ZDHHC3: variants seen among roughly 807,000 people sequenced by gnomAD.
The protein encoded by ZDHHC3 is zDHHC palmitoyltransferase 3, also known as palmitoyltransferase ZDHHC3.
A neutral mutation model predicts 30.6 loss-of-function variants in ZDHHC3; 9 were observed. The ratio of observed to expected loss-of-function variants is 0.29; its 90% CI spans 0.18 to 0.51. The LOEUF (loss-of-function observed/expected upper bound fraction) is 0.51. Among genes scored for constraint, ZDHHC3 ranks in the 20% least tolerant of loss-of-function variants. The probability of loss-of-function intolerance (pLI) is 0.97; values close to 1 mark genes in which losing one functional copy is unlikely to be tolerated. For synonymous variants in ZDHHC3, 136 were observed against 140.2 expected, an observed-to-expected ratio of 0.97 and a Z score of 0.21; for missense variants, 246 against 384.2, an observed-to-expected ratio of 0.64 and a Z score of 3.01.
chr3:44,950,856 C>T (rs1368626537), intron 2 of ZDHHC3, among the ~76,000 whole-genome samples: 1 of 152,198 alleles, frequency 6.6e-6, no homozygotes, highest in South Asian at 2.1e-4. Flanking sequence ...ATTTTTGTCA[C>T]TGCTGTCATG....
intron 1 of ZDHHC3, among the ~76,000 whole-genome samples, chr3:44,963,807 C>T (rs578225843): frequency 6.6e-6 from 1 of 152,204 alleles, no homozygotes; most frequent in Non-Finnish European, 1.5e-5. Context: ...CTAGTTCCCC[C>T]TCCCTGTCTC....
At position 44,923,146 on chromosome 3, in the gene ZDHHC3, G is replaced by T; in HGVS notation, c.*3543C>A. ...GCTGGAGTGCAGTGGTGCGATCTTG[G>T]CTCACTGCAAGCTCCACTTCCCGGG... On this transcript the variant is annotated 3_prime_UTR_variant, in exon 7 of 7. Transcript: ENST00000424952. The T allele has an allele frequency of 1.1e-6, 1 of 937,382 alleles. No individual in the cohort carries two copies. The highest frequency in any genetic ancestry group is 1.3e-6 in the Non-Finnish European group (1 of 786,872). The allele number at this position is 937,382 out of a possible 1,614,324, so 58.1% of individuals were successfully genotyped here.
At chr3:44,927,278 T>C (rs1486684826) in intron 6 of ZDHHC3, among the ~76,000 whole-genome samples, 1 of 152,192 alleles carries the variant, frequency 6.6e-6, no homozygotes, top group Non-Finnish European at 1.5e-5. Context: ...GCAATCATCA[T>C]AACCAATGAT....
chr3:44,943,774 G>A (rs1702653055), intron 3 of ZDHHC3, among the ~76,000 whole-genome samples: 1 of 152,180 alleles, frequency 6.6e-6, no homozygotes, highest in Non-Finnish European at 1.5e-5. Flanking sequence ...GGGAGGCTGA[G>A]GTGGGAGGAT....
Position 44,933,166 on chromosome 3 carries a change from T to C in ZDHHC3, c.562A>G (p.Ile188Val). Residue 188 changes from isoleucine (I) to valine (V), a missense_variant, in exon 5 of 7, where the codon ATC becomes GTC. Transcript: ENST00000424952. Reference sequence around the variant, plus strand: ...TGCAGGAAGTGGAATCCCACCATGATGAGGGCGTGCAAGGAAATGAGAGCT... The same window carrying C: ...TGCAGGAAGTGGAATCCCACCATGACGAGGGCGTGCAAGGAAATGAGAGCT... ...YIALISLHAL[I>V]MVGFHFLHCF... 6.2e-7 allele frequency: 1 copy of C among 1,614,156 alleles called. No homozygotes were observed.
Position 44,918,208 on chromosome 3 carries a change from AC to A in ZDHHC3, c.*8480del. The A allele has an allele frequency of 8.4e-7, 1 of 1,190,036 alleles. No homozygotes were observed. 73.7% of individuals were successfully genotyped at this position (1,190,036 alleles called of 1,614,324 possible). A position where few individuals can be genotyped will look rare whatever the true frequency, so the allele number is the denominator to read the frequency against. On this transcript the variant is annotated 3_prime_UTR_variant, in exon 7 of 7. Transcript: ENST00000424952. ...GCTGGGCTGTACAGCTCACATAGAC[AC>A]CCCCAGCTATAGCATAGCAGTGGCG...
At chr3:44,934,092 C>T (rs952923137) in intron 3 of ZDHHC3, 108 bp from the exon 4 acceptor site, 2 of 1,084,862 alleles carry the variant, frequency 1.8e-6, no homozygotes, top group African/African-American at 3.1e-5. Flanking sequence ...AAATGGCTTC[C>T]TTGGGCACTG....
chr3:44,958,193 T>C (rs1704121249), intron 2 of ZDHHC3, among the ~76,000 whole-genome samples: 2 of 152,102 alleles, frequency 1.3e-5, no homozygotes, highest in East Asian at 1.9e-4. Flanking sequence ...TGTAATTGAG[T>C]TGGGAAAGCT....
At chr3:44,968,301 T>A (rs904612787) in intron 1 of ZDHHC3, among the ~76,000 whole-genome samples, 10 of 152,028 alleles carry the variant, frequency 6.6e-5, no homozygotes, top group Non-Finnish European at 8.8e-5. Context: ...CTCTAATCTC[T>A]GACTCTTTAA....
At position 44,923,544 on chromosome 3, in the gene ZDHHC3, G is replaced by C. The variant is rs1700760931; in HGVS notation, c.*3145C>G. On this transcript the variant is annotated 3_prime_UTR_variant, in exon 7 of 7. Coordinates refer to ENST00000424952, the MANE Select transcript of ZDHHC3 (RefSeq NM_001135179.2). ...GGGCTGGGCCCAGTGGCTCACGCCT[G>C]TAATCCCAGGACTTTGGGAGGCTAA... 1.0e-6 allele frequency: 1 copy of C among 984,852 alleles called. No individual in the cohort carries two copies. The highest frequency in any genetic ancestry group is 1.1e-4 in the East Asian group (1 of 8,796). The allele number at this position is 984,852 out of a possible 1,614,324, so 61.0% of individuals were successfully genotyped here. A position where few individuals can be genotyped will look rare whatever the true frequency, so the allele number is the denominator to read the frequency against.
chr3:44,959,341 A>T lies in ZDHHC3; in HGVS notation c.96T>A (p.Pro32=), dbSNP rs1171119861. Residue 32 remains proline (P), a synonymous_variant, in exon 2 of 7, where the codon CCT becomes CCA. Transcript: ENST00000424952. The surrounding 1 kb of genome is among the most constrained non-coding windows in gnomAD (Gnocchi z 4.3). ...EKCVPPPYPG[P]VGTMWFIRDG... ...CACGGATAAACCACATGGTTCCCACAGGACCAGGGTAGGGGGGTGGGACAC... is the reference window on the plus strand; with the variant it reads ...CACGGATAAACCACATGGTTCCCACTGGACCAGGGTAGGGGGGTGGGACAC... 1 of 1,614,096 alleles carries T rather than the reference A, an allele frequency of 6.2e-7. No individual in the cohort carries two copies. The highest frequency in any genetic ancestry group is 8.5e-7 in the Non-Finnish European group (1 of 1,180,028).
At position 44,918,764 on chromosome 3, in the gene ZDHHC3, C is replaced by T. The variant is rs1700388332; in HGVS notation, c.*7925G>A. On this transcript the variant is annotated 3_prime_UTR_variant, in exon 7 of 7. Transcript: ENST00000424952. ...GGCCTGCTCATGCAGCAGATCCACC[C>T]TGCAGCCTCTTCCAAGCTGTCAACT... The T allele has an allele frequency of 2.0e-6, 2 of 986,968 alleles. No individual in the cohort carries two copies. Among genetic ancestry groups the T allele is most frequent in the South Asian group, 4.7e-5 (1 of 21,392 alleles). 61.1% of individuals were successfully genotyped at this position (986,968 alleles called of 1,614,324 possible).
At chr3:44,932,920 G>C (rs755988396) in intron 5 of ZDHHC3, 198 bp downstream of exon 5, 44 of 1,614,054 alleles carry the variant, frequency 2.7e-5, no homozygotes, top group Non-Finnish European at 3.6e-5. Flanking sequence ...TCGAACTGAA[G>C]TTAAGGGGCT....
intron 1 of ZDHHC3, among the ~76,000 whole-genome samples, chr3:44,966,946 A>G (rs1056390123): frequency 7.2e-5 from 11 of 152,222 alleles, no homozygotes; most frequent in Non-Finnish European, 1.6e-4. Context: ...AGCCAAGGAA[A>G]GTGTCCAGAC....
chr3:44,961,515 G>A (rs1449387174), intron 1 of ZDHHC3, among the ~76,000 whole-genome samples: 1 of 152,200 alleles, frequency 6.6e-6, no homozygotes, highest in Non-Finnish European at 1.5e-5. Flanking sequence ...ATGTAGTCCT[G>A]CCAGAGACAA....
chr3:44,934,104 C>T, intron 3 of ZDHHC3, 120 bp from the exon 4 acceptor site: 1 of 980,344 alleles, frequency 1.0e-6, no homozygotes, highest in Non-Finnish European at 1.6e-6. Flanking sequence ...TGGGCACTGC[C>T]AGGGGTTTTG....
chr3:44,960,836 T>C (rs556024428), intron 1 of ZDHHC3, among the ~76,000 whole-genome samples: 2 of 152,252 alleles, frequency 1.3e-5, no homozygotes, highest in Non-Finnish European at 2.9e-5. Context: ...TCGGTATTGT[T>C]ATGAACAGTA....
At chr3:44,949,402 T>C (rs965768611) in intron 2 of ZDHHC3, among the ~76,000 whole-genome samples, 1 of 152,100 alleles carries the variant, frequency 6.6e-6, no homozygotes, top group East Asian at 1.9e-4. Context: ...GGTGGGAGGA[T>C]AGCTTGAGGC....
chr3:44,922,209 T>C lies in ZDHHC3; in HGVS notation c.*4480A>G, dbSNP rs995267038. 5.6e-5 allele frequency: 55 copies of C among 985,460 alleles called. No homozygotes were observed. The African/African-American group carries it at 9.4e-4, about 17-fold the overall frequency. The allele number at this position is 985,460 out of a possible 1,614,324, so 61.0% of individuals were successfully genotyped here. A position where few individuals can be genotyped will look rare whatever the true frequency, so the allele number is the denominator to read the frequency against. ...AATACAAGAAAAAGCCACATGGGTG[T>C]TGAAACCCACACGTAGAAAGCAAAG... On this transcript the variant is annotated 3_prime_UTR_variant, in exon 7 of 7. Coordinates refer to ENST00000424952, the MANE Select transcript of ZDHHC3 (RefSeq NM_001135179.2).
Sources: gnomAD v4.1 joint callset for allele counts (sites outside exome capture counted in the v4.1 genomes callset) on GRCh38, gnomAD v4.1.1 for gene constraint, Gnocchi (gnomAD v3.1) non-coding constraint, MANE v1.5 for transcripts, NCBI Gene and HGNC (gene_info 2026-07-23, HGNC 2026-07-21) for gene names.